The following PTPRD variants were observed in gnomAD, a reference collection of about 807,000 sequenced individuals.
The protein encoded by PTPRD is receptor-type tyrosine-protein phosphatase delta.
A neutral mutation model predicts 214.5 loss-of-function variants in PTPRD; 34 were observed. The ratio of observed to expected loss-of-function variants is 0.16; its 90% CI spans 0.12 to 0.21. The LOEUF (loss-of-function observed/expected upper bound fraction) is 0.21. Ranked by LOEUF, PTPRD falls within the 10% of genes least tolerant of loss-of-function variation. The probability of loss-of-function intolerance (pLI) is 1.00; values close to 1 mark genes in which losing one functional copy is unlikely to be tolerated. For synonymous variants in PTPRD, 1,128 were observed against 845.7 expected, an observed-to-expected ratio of 1.33 and a Z score of -5.79; for missense variants, 2,545 against 2,398.7, an observed-to-expected ratio of 1.06 and a Z score of -1.27.
chr9:9,207,752 C>A (rs1011518721), intron 9 of PTPRD, among the ~76,000 whole-genome samples: 1 of 151,926 alleles, frequency 6.6e-6, no homozygotes, highest in African/African-American at 2.4e-5. Flanking sequence ...AATATTTGGT[C>A]AAAGCTGTTA....
intron 2 of PTPRD, among the ~76,000 whole-genome samples, chr9:10,564,516 T>C (rs1194451743): frequency 6.6e-6 from 1 of 152,028 alleles, no homozygotes; most frequent in Non-Finnish European, 1.5e-5. Flanking sequence ...CCATATTAGC[T>C]GGGCTAAAGT....
At chr9:9,156,376 AT>A (rs34282666) in intron 10 of PTPRD, among the ~76,000 whole-genome samples, 85,733 of 151,292 alleles carry the variant, frequency 0.57, 25,088 homozygotes, top group African/African-American at 0.71. Flanking sequence ...TTTATGGTAC[AT>A]TATCCCCAAA....
At chr9:8,796,440 T>G (rs1046633451) in intron 11 of PTPRD, among the ~76,000 whole-genome samples, 3 of 152,172 alleles carry the variant, frequency 2.0e-5, no homozygotes, top group Non-Finnish European at 4.4e-5. Flanking sequence ...ATTACAATTA[T>G]CAGCAGCTCA....
chr9:10,019,790 A>C (rs10958824), intron 4 of PTPRD, among the ~76,000 whole-genome samples: 8 of 119,690 alleles, frequency 6.7e-5, no homozygotes, highest in Middle Eastern at 4.5e-3. Flanking sequence ...GGTGGGGGGG[A>C]GCTGGGAGGG....
chr9:9,317,490 G>A (rs947723093), intron 9 of PTPRD, among the ~76,000 whole-genome samples: 1 of 152,006 alleles, frequency 6.6e-6, no homozygotes. Flanking sequence ...TAGGGATGAA[G>A]TTCTGTCTAC....
At chr9:8,627,725 A>C (rs774796809) in intron 14 of PTPRD, among the ~76,000 whole-genome samples, 1 of 151,794 alleles carries the variant, frequency 6.6e-6, no homozygotes, top group Non-Finnish European at 1.5e-5. Flanking sequence ...TCACAGGTAC[A>C]CTTTCTCCCC....
chr9:9,228,741 G>A (rs1380161045), intron 9 of PTPRD, among the ~76,000 whole-genome samples: 1 of 152,100 alleles, frequency 6.6e-6, no homozygotes, highest in East Asian at 1.9e-4. Flanking sequence ...CAAATGCCTA[G>A]CGTAAAGCCT....
At chr9:9,355,486 A>C (rs1007222350) in intron 9 of PTPRD, among the ~76,000 whole-genome samples, 2 of 151,546 alleles carry the variant, frequency 1.3e-5, no homozygotes, top group African/African-American at 4.8e-5. Context: ...TGGGTTAAAA[A>C]CCATTTTTAG....
intron 43 of PTPRD, among the ~76,000 whole-genome samples, chr9:8,336,188 A>C (rs1039975016): frequency 2.7e-5 from 4 of 149,138 alleles, no homozygotes; most frequent in Non-Finnish European, 4.4e-5. Context: ...TTGAGAGATC[A>C]TGCTACCTGA....
intron 39 of PTPRD, among the ~76,000 whole-genome samples, chr9:8,346,739 G>A (rs1231504500): frequency 6.6e-6 from 1 of 152,106 alleles, no homozygotes; most frequent in African/African-American, 2.4e-5. Flanking sequence ...ATTTGGATAT[G>A]CCAAAAAGCA....
At chr9:8,774,542 TTTTTTTTTTG>T (rs1218751085) in intron 11 of PTPRD, among the ~76,000 whole-genome samples, 1 of 143,994 alleles carries the variant, frequency 6.9e-6, no homozygotes, top group African/African-American at 2.7e-5. Flanking sequence ...TTTTTTTTTT[TTTTTTTTTTG>T]AAACGGAGTT....
intron 8 of PTPRD, among the ~76,000 whole-genome samples, chr9:9,419,165 A>AC (rs60986096): frequency 4.0e-5 from 6 of 149,606 alleles, no homozygotes; most frequent in South Asian, 4.3e-4. Flanking sequence ...ACACACACAC[A>AC]AGCATGATAT....
intron 9 of PTPRD, among the ~76,000 whole-genome samples, chr9:9,342,251 T>A (rs998046963): frequency 6.6e-5 from 10 of 152,186 alleles, no homozygotes; most frequent in African/African-American, 2.2e-4. Flanking sequence ...AACTCCCACA[T>A]GTAGTTTATT....
At position 8,389,242 on chromosome 9, in the gene PTPRD, T is replaced by G; in HGVS notation, c.4376A>C (p.Glu1459Ala). The G allele has an allele frequency of 1.2e-6, 2 of 1,609,056 alleles. No individual in the cohort carries two copies. Among genetic ancestry groups the G allele is most frequent in the Non-Finnish European group, 1.7e-6 (2 of 1,177,892 alleles). ...GATACTTATTCTTACCCTTGATCTT[T>G]CTTCTAGTTTTGTCATCATGACAAC... ...ATVVMMTKLE[E>A]RSRVKCDQYW... is the part of the protein sequence containing the mutation. The change falls in exon 37 of 46, where the codon GAA (glutamate) becomes GCA (alanine). Residue 1459 changes from glutamate (E) to alanine (A), a missense_variant. Transcript: ENST00000381196.
intron 2 of PTPRD, among the ~76,000 whole-genome samples, chr9:10,388,445 A>G (rs942828191): frequency 4.0e-5 from 6 of 149,774 alleles, no homozygotes; most frequent in African/African-American, 7.4e-5. Context: ...TGCTTAATGA[A>G]TACTTGTGGA....
intron 3 of PTPRD, among the ~76,000 whole-genome samples, chr9:10,329,149 C>A (rs371021481): frequency 1.3e-5 from 2 of 151,696 alleles, no homozygotes; most frequent in Admixed American, 6.6e-5. Flanking sequence ...TTATCTTTCC[C>A]ATATATTCTT....
chr9:8,881,306 T>C (rs1353110638), intron 11 of PTPRD, among the ~76,000 whole-genome samples: 3 of 152,182 alleles, frequency 2.0e-5, no homozygotes, highest in African/African-American at 2.4e-5. Context: ...TAATAACCAA[T>C]AGGAAAACTT....
intron 43 of PTPRD, among the ~76,000 whole-genome samples, chr9:8,333,828 G>C (rs563308210): frequency 2.6e-5 from 4 of 152,022 alleles, no homozygotes; most frequent in African/African-American, 9.7e-5. Context: ...AAGGGATGGA[G>C]GAAGATCTAC....
intron 8 of PTPRD, among the ~76,000 whole-genome samples, chr9:9,403,243 A>T (rs531051141): frequency 8.2e-6 from 1 of 122,238 alleles, no homozygotes; most frequent in Non-Finnish European, 1.6e-5. Context: ...GTAAGCTGAC[A>T]TTGTGCCACT....
Sources: allele counts gnomAD v4.1 joint callset (sites outside exome capture counted in the v4.1 genomes callset), GRCh38; gene constraint gnomAD v4.1.1; transcripts MANE v1.5; gene names NCBI Gene and HGNC (gene_info 2026-07-23, HGNC 2026-07-21).